The following LARGE1 variants were observed in gnomAD, a reference collection of about 807,000 sequenced individuals.
The protein encoded by LARGE1 is xylosyl- and glucuronyltransferase LARGE1.
In LARGE1, 43 loss-of-function variants were observed where a neutral mutation model predicts 87.6. The ratio of observed to expected loss-of-function variants is 0.49; its 90% CI spans 0.38 to 0.63. The LOEUF (loss-of-function observed/expected upper bound fraction) is 0.63, where lower values mean the gene tolerates loss of function less well. Ranked by LOEUF, LARGE1 falls within the 30% of genes least tolerant of loss-of-function variation. The pLI is 0.00. For missense variants in LARGE1, 802 were observed against 1,000.2 expected (o/e 0.80, Z 2.67); for synonymous variants, 434 against 394.6 (o/e 1.10, Z -1.18).
At chr22:33,641,750 G>A (rs529690406) in intron 3 of LARGE1, among the ~76,000 whole-genome samples, 1 of 152,064 alleles carries the variant, frequency 6.6e-6, no homozygotes, top group African/African-American at 2.4e-5. Flanking sequence ...CACAAGTATC[G>A]ATAGCCGAAT....
intron 9 of LARGE1, among the ~76,000 whole-genome samples, chr22:33,344,449 G>A (rs1422257182): frequency 2.0e-5 from 3 of 152,050 alleles, no homozygotes; most frequent in African/African-American, 7.2e-5. Context: ...CATTTAAAGA[G>A]GCTGTTGGTG....
intron 4 of LARGE1, among the ~76,000 whole-genome samples, chr22:33,622,510 T>C (rs564123495): frequency 3.4e-4 from 52 of 152,324 alleles, no homozygotes; most frequent in South Asian, 1.9e-3. Context: ...CTAACACAGG[T>C]GCTAAGCCAA....
Position 33,841,783 on chromosome 22 carries a change from A to G in LARGE1, c.-83+78212T>C, listed in dbSNP as rs531926026. 4.6e-5 allele frequency among the ~76,000 whole-genome samples: 7 copies of G among 152,342 alleles called. No homozygotes were observed. In the South Asian group the frequency reaches 1.4e-3, roughly 32 times the overall value. ...TCCCTGGGAAAACTAAGCAGGGTGA[A>G]TAAATACAAAGTCAGAAAGCCAAGA... On this transcript the variant is annotated intron_variant, in intron 1 of 14. Transcript: ENST00000397394.
intron 1 of LARGE1, among the ~76,000 whole-genome samples, chr22:33,823,824 A>G (rs1370749418): frequency 6.6e-6 from 1 of 152,170 alleles, no homozygotes; most frequent in Non-Finnish European, 1.5e-5. Context: ...TCTGCAGTTC[A>G]TTCCTCCATG....
intron 1 of LARGE1, among the ~76,000 whole-genome samples, chr22:33,819,046 C>T (rs1306866081): frequency 6.6e-6 from 1 of 152,208 alleles, no homozygotes; most frequent in Non-Finnish European, 1.5e-5. Flanking sequence ...CAACTGATGG[C>T]TGATTTATCA....
At chr22:33,874,381 C>A (rs1601828618) in intron 1 of LARGE1, among the ~76,000 whole-genome samples, 1 of 152,160 alleles carries the variant, frequency 6.6e-6, no homozygotes, top group Non-Finnish European at 1.5e-5. Context: ...GCACATCAGC[C>A]GCCGCTTTGA....
chr22:33,709,134 G>A (rs987149456), intron 2 of LARGE1, among the ~76,000 whole-genome samples: 7 of 152,112 alleles, frequency 4.6e-5, no homozygotes, highest in African/African-American at 1.7e-4. Context: ...ACACAACTTC[G>A]GACATGGAGG....
chr22:33,914,708 A>T (rs2065732947), intron 1 of LARGE1, among the ~76,000 whole-genome samples: 1 of 152,128 alleles, frequency 6.6e-6, no homozygotes, highest in Non-Finnish European at 1.5e-5. Context: ...CTTTCTTTCC[A>T]TTTAAGAAGG....
chr22:33,358,573 T>C (rs1347345461), intron 9 of LARGE1, among the ~76,000 whole-genome samples: 1 of 152,220 alleles, frequency 6.6e-6, no homozygotes, highest in Non-Finnish European at 1.5e-5. Flanking sequence ...ATATATCATT[T>C]CCTCCTATGG....
chr22:33,745,400 T>C (rs2145574978), intron 2 of LARGE1, among the ~76,000 whole-genome samples: 1 of 152,260 alleles, frequency 6.6e-6, no homozygotes, highest in South Asian at 2.1e-4. Flanking sequence ...AACATGAAAT[T>C]AAGCCGTGGG....
At chr22:33,662,011 C>G (rs2081137435) in intron 2 of LARGE1, among the ~76,000 whole-genome samples, 1 of 137,144 alleles carries the variant, frequency 7.3e-6, no homozygotes, top group East Asian at 2.2e-4. Flanking sequence ...CCCTGGGCCA[C>G]ACTGGAAGAA....
In LARGE1 at chr22:33,365,877, A is replaced by G. The variant is rs1245409519; in HGVS notation, c.1131+16042T>C. ...GTGAGGCACCTGCCTTGGCCTCCCAATGTGCTGGGATTACAGGCGTGAGCC... is the reference window on the plus strand; with the variant it reads ...GTGAGGCACCTGCCTTGGCCTCCCAGTGTGCTGGGATTACAGGCGTGAGCC... On this transcript the variant is annotated intron_variant, in intron 9 of 14. Transcript: ENST00000397394. Among the ~76,000 whole-genome samples, 4 of 152,152 alleles carry G rather than the reference A, an allele frequency of 2.6e-5. No individual in the cohort carries two copies. In the East Asian group the frequency reaches 5.8e-4, roughly 22 times the overall value.
chr22:33,686,808 C>A (rs2081958196), intron 2 of LARGE1, among the ~76,000 whole-genome samples: 1 of 152,126 alleles, frequency 6.6e-6, no homozygotes. Flanking sequence ...CCAGATTTAG[C>A]AAACAAAAAT....
the LARGE1 span, among the ~76,000 whole-genome samples, chr22:33,136,858 C>T: frequency 1.3e-5 from 2 of 151,784 alleles, no homozygotes; most frequent in East Asian, 3.9e-4. Flanking sequence ...GTATTACCTT[C>T]CAAGGTGGGT....
chr22:33,367,143 AATTG>A (rs1423279559), intron 9 of LARGE1, among the ~76,000 whole-genome samples: 3 of 152,056 alleles, frequency 2.0e-5, no homozygotes, highest in Middle Eastern at 3.4e-3. Flanking sequence ...CAATTCTGCT[AATTG>A]ATTGAAAGCT....
At chr22:33,082,956 C>A in the LARGE1 span, among the ~76,000 whole-genome samples, 1 of 152,052 alleles carries the variant, frequency 6.6e-6, no homozygotes, top group Non-Finnish European at 1.5e-5. Context: ...ACCCGGGAGG[C>A]GGAGCTTGCA....
At chr22:33,749,255 C>T (rs548687579) in intron 2 of LARGE1, among the ~76,000 whole-genome samples, 2 of 152,296 alleles carry the variant, frequency 1.3e-5, no homozygotes, top group Non-Finnish European at 2.9e-5. Context: ...GCTGGGATTA[C>T]AGGCATGTGC....
At chr22:33,389,014 C>A (rs1302650090) in intron 7 of LARGE1, among the ~76,000 whole-genome samples, 2 of 152,220 alleles carry the variant, frequency 1.3e-5, no homozygotes, top group Non-Finnish European at 2.9e-5. Context: ...ACACTGAGAT[C>A]ATGCAGTGCT....
chr22:33,590,541 C>G lies in LARGE1; in HGVS notation c.615+13894G>C, dbSNP rs917507742. 4.6e-5 allele frequency among the ~76,000 whole-genome samples: 7 copies of G among 152,276 alleles called. No individual in the cohort carries two copies. In the South Asian group the frequency reaches 8.3e-4, roughly 18 times the overall value. On this transcript the variant is annotated intron_variant, in intron 5 of 14. Transcript: ENST00000397394. ...ACAATTTGATCGCCCTCGAAAATGC[C>G]CTGGTGTCCCTTGCTAGGCAGTCCC...
Sources: allele counts gnomAD v4.1 joint callset (sites outside exome capture counted in the v4.1 genomes callset), GRCh38; gene constraint gnomAD v4.1.1; transcripts MANE v1.5; gene names NCBI Gene and HGNC (gene_info 2026-07-23, HGNC 2026-07-21).